Variants in PHACTR4 observed in about 807,000 individuals in gnomAD.
The protein encoded by PHACTR4 is protein phosphatase 1, regulatory subunit 124.
In PHACTR4, 51 loss-of-function variants were observed where a neutral mutation model predicts 72.7. The observed-to-expected ratio is 0.70, with a 90% confidence interval of 0.56 to 0.89. PHACTR4 has a LOEUF of 0.89. Among genes scored for constraint, PHACTR4 ranks in the 40% least tolerant of loss-of-function variants. The pLI, the probability that PHACTR4 is intolerant of heterozygous loss-of-function variation, is 0.00. For synonymous variants in PHACTR4, 255 were observed against 302.5 expected (o/e 0.84, Z 1.63); for missense variants, 731 against 861.8 (o/e 0.85, Z 1.90).
intron 6 of PHACTR4, among the ~76,000 whole-genome samples, chr1:28,471,787 C>T (rs1238853472): frequency 1.3e-5 from 2 of 152,114 alleles, no homozygotes; most frequent in Admixed American, 1.3e-4. Context: ...AGGTACTGTG[C>T]ACAGCCCTGT....
intron 9 of PHACTR4, among the ~76,000 whole-genome samples, chr1:28,487,893 A>G (rs1275567234): frequency 1.3e-5 from 2 of 151,634 alleles, no homozygotes; most frequent in Non-Finnish European, 2.9e-5. Context: ...ACGCCACAAC[A>G]TCCGGCTAAT....
rs1048392603 is a variant in PHACTR4, at chr1:28,478,041, C to T, written c.1606+1750C>T. Among the ~76,000 whole-genome samples the T allele has an allele frequency of 2.6e-5, 4 of 152,194 alleles. No homozygotes were observed. The South Asian group carries it at 8.3e-4, about 32-fold the overall frequency. ...TTTTTATACCCATTAACCAGTCTCTCTCTCCCCCATCCCCTCTACCCTTCC... is the reference window on the plus strand; with the variant it reads ...TTTTTATACCCATTAACCAGTCTCTTTCTCCCCCATCCCCTCTACCCTTCC... On this transcript the variant is annotated intron_variant, in intron 8 of 13. Transcript: ENST00000373839.
At chr1:28,453,691 C>G in intron 2 of PHACTR4, 14 of 1,258,206 alleles carry the variant, frequency 1.1e-5, no homozygotes, top group Non-Finnish European at 1.5e-5. Context: ...GTCCTGGTTC[C>G]TCTTACTTCA....
intron 4 of PHACTR4, 26 bp from the exon 5 acceptor site, chr1:28,465,659 C>G: frequency 6.2e-7 from 1 of 1,602,794 alleles, no homozygotes; most frequent in Non-Finnish European, 8.5e-7. Context: ...AACTTCATCA[C>G]TTTGTACTCT....
chr1:28,406,873 T>G (rs1654367641), intron 1 of PHACTR4, among the ~76,000 whole-genome samples: 1 of 152,202 alleles, frequency 6.6e-6, no homozygotes, highest in South Asian at 2.1e-4. Flanking sequence ...ACCATCCTCC[T>G]GTGTCTAAAA....
intron 1 of PHACTR4, among the ~76,000 whole-genome samples, chr1:28,403,271 A>G (rs901832488): frequency 6.6e-6 from 1 of 152,196 alleles, no homozygotes; most frequent in African/African-American, 2.4e-5. Flanking sequence ...CAGGAGCCTT[A>G]GTGGACCCCA....
At chr1:28,456,640 T>C (rs1386965938) in intron 2 of PHACTR4, among the ~76,000 whole-genome samples, 1 of 152,064 alleles carries the variant, frequency 6.6e-6, no homozygotes, top group South Asian at 2.1e-4. Flanking sequence ...TTTTTTTTTT[T>C]TTTAAGAGAC....
In PHACTR4 at chr1:28,380,050, A is replaced by ATTTTTT. The variant is rs1405487346; in HGVS notation, c.-39+10225_-39+10226insTTTTTT. Among the ~76,000 whole-genome samples the ATTTTTT allele has an allele frequency of 4.3e-4, 55 of 128,078 alleles. 1 individual carries two copies. The highest frequency in any genetic ancestry group is 4.2e-4 in the African/African-American group (14 of 33,054). 84.0% of individuals were successfully genotyped at this position (128,078 alleles called of 152,430 possible). On this transcript the variant is annotated intron_variant, in intron 1 of 13. Transcript: ENST00000373839. The stretch of plus-strand genomic sequence containing the variant: ...GTTATTCTGTGTTTTTTTAAATGTA[A>ATTTTTT]CTTTTTTTTTTTTTTTTTTTTTTTG...
chr1:28,488,400 G>A (rs1231398321), intron 9 of PHACTR4, among the ~76,000 whole-genome samples: 1 of 152,226 alleles, frequency 6.6e-6, no homozygotes, highest in Non-Finnish European at 1.5e-5. Context: ...GGAAGGCTGA[G>A]GCAGGAGAAT....
chr1:28,484,593 T>C (rs1660510875), intron 9 of PHACTR4, among the ~76,000 whole-genome samples: 1 of 151,832 alleles, frequency 6.6e-6, no homozygotes, highest in Non-Finnish European at 1.5e-5. Context: ...TATGTGTACG[T>C]GTGTGTATAT....
In PHACTR4 at chr1:28,466,732, C is replaced by G. The variant is rs369152598; in HGVS notation, c.787C>G (p.Pro263Ala). The change falls in exon 6 of 14, where the codon CCT (proline) becomes GCT (alanine). Residue 263 changes from proline to alanine, a missense_variant. Physicochemically the swap from Pro to Ala is conservative, Grantham distance 27. Transcript: ENST00000373839. ...VPAKQPPIPP[P>A]KPAHRNSNPV... is the part of the protein sequence containing the mutation. ...TGCCAAGCAGCCCCCTATCCCTCCC[C>G]CTAAACCAGCTCACAGAAATAGCAA... The G allele has an allele frequency of 9.9e-6, 16 of 1,612,946 alleles. No individual in the cohort carries two copies. The highest frequency in any genetic ancestry group is 8.9e-5 in the East Asian group (4 of 44,874).
intron 2 of PHACTR4, among the ~76,000 whole-genome samples, chr1:28,408,316 T>A (rs980369113): frequency 1.8e-4 from 28 of 152,072 alleles, no homozygotes; most frequent in Non-Finnish European, 3.1e-4. Flanking sequence ...TCCCAGCACT[T>A]TGGGAGGCTG....
intron 11 of PHACTR4, among the ~76,000 whole-genome samples, chr1:28,491,380 C>T (rs1362048845): frequency 6.6e-6 from 1 of 151,416 alleles, no homozygotes; most frequent in Non-Finnish European, 1.5e-5. Context: ...ATCATTTGAG[C>T]TTGGGAGGTT....
chr1:28,438,686 T>C (rs974485977), intron 2 of PHACTR4, among the ~76,000 whole-genome samples: 2 of 152,248 alleles, frequency 1.3e-5, no homozygotes, highest in Non-Finnish European at 2.9e-5. Context: ...TTGATCTCTT[T>C]GAAGTTTTTT....
intron 2 of PHACTR4, among the ~76,000 whole-genome samples, chr1:28,452,178 ATTGT>A (rs925360246): frequency 1.3e-5 from 2 of 151,968 alleles, no homozygotes; most frequent in Non-Finnish European, 2.9e-5. Context: ...GTATTGACAG[ATTGT>A]TTGGAGATTT....
At chr1:28,374,130 C>T (rs1651463631) in intron 1 of PHACTR4, among the ~76,000 whole-genome samples, 1 of 152,170 alleles carries the variant, frequency 6.6e-6, no homozygotes, top group African/African-American at 2.4e-5. Flanking sequence ...TTCTCATATG[C>T]TGTGATTACC....
At chr1:28,377,208 G>A (rs1651749059) in intron 1 of PHACTR4, among the ~76,000 whole-genome samples, 1 of 151,174 alleles carries the variant, frequency 6.6e-6, no homozygotes, top group Admixed American at 6.6e-5. Context: ...AAAGTGGTAG[G>A]ATTACAGGCG....
At chr1:28,492,705 A>G (rs1661112679) in intron 12 of PHACTR4, among the ~76,000 whole-genome samples, 1 of 152,178 alleles carries the variant, frequency 6.6e-6, no homozygotes, top group African/African-American at 2.4e-5. Context: ...GGTTGCAGTG[A>G]GCTGAGATTG....
chr1:28,453,687 G>T (rs922586479), intron 2 of PHACTR4: 2 of 1,258,724 alleles, frequency 1.6e-6, no homozygotes. Context: ...ACCCGTCCTG[G>T]TTCCTCTTAC....
Sources: allele counts gnomAD v4.1 joint callset (sites outside exome capture counted in the v4.1 genomes callset), GRCh38; gene constraint gnomAD v4.1.1; transcripts MANE v1.5; gene names NCBI Gene and HGNC (gene_info 2026-07-23, HGNC 2026-07-21).